PARL: variants seen among roughly 807,000 people sequenced by gnomAD.
The protein encoded by PARL is presenilin associated rhomboid like.
A neutral mutation model predicts 51.6 loss-of-function variants in PARL; 44 were observed. The observed-to-expected ratio is 0.85, with a 90% CI of 0.67 to 1.10. The LOEUF is 1.10. PARL is among the 50% of genes least tolerant of loss of function. PARL has a pLI of 0.00. For synonymous variants in PARL, 172 were observed against 164.0 expected (o/e 1.05, Z -0.37); for missense variants, 441 against 469.5 (o/e 0.94, Z 0.56).
At chr3:183,882,300 TACAC>T (rs1458993059) in intron 1 of PARL, among the ~76,000 whole-genome samples, 10 of 105,744 alleles carry the variant, frequency 9.5e-5, no homozygotes, top group Admixed American at 5.7e-4. Context: ...CACATATATA[TACAC>T]ACACATATAT....
chr3:183,849,788 G>A (rs1730352006), intron 4 of PARL, among the ~76,000 whole-genome samples: 1 of 151,988 alleles, frequency 6.6e-6, no homozygotes. Flanking sequence ...TCTCATACAG[G>A]TCTGAGATTT....
At chr3:183,844,996 A>G (rs1404762526) in intron 4 of PARL, among the ~76,000 whole-genome samples, 2 of 152,232 alleles carry the variant, frequency 1.3e-5, no homozygotes, top group African/African-American at 4.8e-5. Context: ...TAGATAAGAA[A>G]TTATTATTGA....
At chr3:183,866,387 G>A (rs1029832183) in intron 3 of PARL, among the ~76,000 whole-genome samples, 1 of 152,172 alleles carries the variant, frequency 6.6e-6, no homozygotes, top group African/African-American at 2.4e-5. Flanking sequence ...GGGATTACCA[G>A]TAGAGTAACT....
intron 4 of PARL, among the ~76,000 whole-genome samples, chr3:183,851,267 T>C (rs941804284): frequency 3.3e-5 from 5 of 152,084 alleles, no homozygotes; most frequent in Non-Finnish European, 4.4e-5. Flanking sequence ...ACATGACACT[T>C]AAAAGTACAA....
At chr3:183,844,409 T>C in intron 4 of PARL, 83 bp from the exon 5 acceptor site, 2 of 893,704 alleles carry the variant, frequency 2.2e-6, no homozygotes, top group East Asian at 5.2e-5. Flanking sequence ...TGTAAGATTC[T>C]TCCACAATTA....
chr3:183,866,845 C>T, intron 2 of PARL, 80 bp from the exon 3 acceptor site: 1 of 1,044,724 alleles, frequency 9.6e-7, no homozygotes, highest in South Asian at 1.3e-5. Flanking sequence ...GAATTCTTCA[C>T]TGTCATTGCT....
intron 1 of PARL, chr3:183,879,678 G>C (rs1423350762): frequency 5.8e-6 from 5 of 862,250 alleles, no homozygotes; most frequent in Non-Finnish European, 6.9e-6. Context: ...TATTATATAA[G>C]GTACATTTTC....
intron 1 of PARL, among the ~76,000 whole-genome samples, chr3:183,876,610 T>TAAAAAAAAAAAAAAAAAAAAAAAAAAAAA (rs576376716): frequency 1.4e-4 from 13 of 91,826 alleles, no homozygotes; most frequent in East Asian, 1.4e-3. Context: ...ATACATTTTG[T>TAAAAAAAAAAAAAAAAAAAAAAAAAAAAA]AAAAAAAAAA....
At chr3:183,834,711 T>C (rs1335582316) in intron 7 of PARL, among the ~76,000 whole-genome samples, 1 of 151,974 alleles carries the variant, frequency 6.6e-6, no homozygotes, top group Non-Finnish European at 1.5e-5. Flanking sequence ...GTTTTTTGCA[T>C]GTTAACTAGT....
intron 6 of PARL, 69 bp from the exon 7 acceptor site, chr3:183,840,709 C>CTTTTTT: frequency 1.2e-5 from 7 of 608,672 alleles, no homozygotes; most frequent in South Asian, 6.4e-5. Context: ...TTTTTCTTTT[C>CTTTTTT]TTTTTTTTTT....
intron 4 of PARL, among the ~76,000 whole-genome samples, chr3:183,849,450 G>A (rs1039095779): frequency 1.3e-5 from 2 of 151,962 alleles, no homozygotes; most frequent in Admixed American, 6.6e-5. Flanking sequence ...AAGAAATCAC[G>A]AGGGCAACTA....
At chr3:183,864,548 G>T (rs1031744677) in intron 3 of PARL, among the ~76,000 whole-genome samples, 4 of 152,044 alleles carry the variant, frequency 2.6e-5, no homozygotes, top group Non-Finnish European at 2.9e-5. Context: ...AGGCCGAGGT[G>T]GGCAGATCAC....
At chr3:183,871,428 T>A (rs1733196932) in intron 1 of PARL, among the ~76,000 whole-genome samples, 1 of 151,458 alleles carries the variant, frequency 6.6e-6, no homozygotes, top group Non-Finnish European at 1.5e-5. Flanking sequence ...CATGGCAGCT[T>A]CATTCCTCTA....
chr3:183,854,108 G>A (rs936950908), intron 4 of PARL, among the ~76,000 whole-genome samples: 11 of 152,146 alleles, frequency 7.2e-5, no homozygotes, highest in Non-Finnish European at 1.3e-4. Flanking sequence ...AGCCGGGCAT[G>A]GTGGTGTACA....
chr3:183,846,452 C>T, intron 4 of PARL: 1 of 858,688 alleles, frequency 1.2e-6, no homozygotes, highest in Non-Finnish European at 1.4e-6. Flanking sequence ...GAGATCACGC[C>T]ATTGCACTCC....
At chr3:183,882,305 A>G (rs1038225056) in intron 1 of PARL, among the ~76,000 whole-genome samples, 7 of 102,886 alleles carry the variant, frequency 6.8e-5, no homozygotes, top group African/African-American at 2.3e-4. Flanking sequence ...ATATATACAC[A>G]CACATATATA....
intron 9 of PARL, 81 bp downstream of exon 9, chr3:183,833,411 T>TG (rs1728181028): frequency 4.7e-6 from 4 of 853,488 alleles, no homozygotes; most frequent in African/African-American, 1.7e-5. Context: ...GCCATGGGGA[T>TG]GGGGGGTAGG....
chr3:183,878,957 C>G (rs1734141673), intron 1 of PARL, among the ~76,000 whole-genome samples: 1 of 152,136 alleles, frequency 6.6e-6, no homozygotes, highest in African/African-American at 2.4e-5. Flanking sequence ...AACCCCTGTC[C>G]TAGATGATAC....
chr3:183,832,288 G>A (rs139719069), intron 9 of PARL, among the ~76,000 whole-genome samples: 2,737 of 150,786 alleles, frequency 0.018, 128 homozygotes, highest in East Asian at 0.18. Context: ...GCGTGATCTC[G>A]GCTCACTGCA....
Sources: allele counts gnomAD v4.1 joint callset (sites outside exome capture counted in the v4.1 genomes callset), GRCh38; gene constraint gnomAD v4.1.1; transcripts MANE v1.5; gene names NCBI Gene and HGNC (gene_info 2026-07-23, HGNC 2026-07-21).